RMDN2: variants seen among roughly 807,000 people sequenced by gnomAD.
RMDN2 encodes the protein regulator of microtubule dynamics protein 2.
RMDN2 carries 61 observed loss-of-function variants against 52.8 expected under a neutral mutation model. That is an observed-to-expected ratio of 1.16 (90% CI 0.94 to 1.43). The LOEUF (loss-of-function observed/expected upper bound fraction) is 1.43, where lower values mean the gene tolerates loss of function less well. RMDN2 is among the 40% of genes most tolerant of loss of function. The pLI is 0.00. For missense variants in RMDN2, 592 were observed against 475.3 expected, an observed-to-expected ratio of 1.25 and a Z score of -2.28; for synonymous variants, 180 against 153.1, an observed-to-expected ratio of 1.18 and a Z score of -1.30.
intron 1 of RMDN2, among the ~76,000 whole-genome samples, chr2:37,926,426 C>G (rs568751888): frequency 1.3e-5 from 2 of 152,116 alleles, no homozygotes; most frequent in Non-Finnish European, 2.9e-5. Context: ...TCATCTCAAC[C>G]TTTAATATTA....
chr2:38,034,830 A>C (rs59363818), intron 10 of RMDN2, among the ~76,000 whole-genome samples: 1 of 16,286 alleles, frequency 6.1e-5, no homozygotes, highest in Non-Finnish European at 9.6e-5. Flanking sequence ...TTAAAATTTA[A>C]TAAGTAGAAA....
chr2:38,043,880 G>C (rs1681112090), intron 10 of RMDN2, among the ~76,000 whole-genome samples: 1 of 151,850 alleles, frequency 6.6e-6, no homozygotes, highest in Non-Finnish European at 1.5e-5. Flanking sequence ...ACTTTGAATA[G>C]TTATCTATTA....
intron 2 of RMDN2, among the ~76,000 whole-genome samples, chr2:37,957,570 G>A (rs931949597): frequency 1.5e-4 from 23 of 152,082 alleles, no homozygotes; most frequent in African/African-American, 5.6e-4. Flanking sequence ...ATAGATTGCA[G>A]AAATTTTCTG....
At chr2:37,964,949 A>T (rs1188612016) in intron 2 of RMDN2, among the ~76,000 whole-genome samples, 2 of 151,968 alleles carry the variant, frequency 1.3e-5, no homozygotes, top group African/African-American at 4.8e-5. Flanking sequence ...TGTTATTGTT[A>T]TATCTTCTTG....
At position 38,060,167 on chromosome 2, in the gene RMDN2, G is replaced by A. The variant is rs923753682; in HGVS notation, c.1714-6815G>A. Among the ~76,000 whole-genome samples, 8 of 151,140 alleles carry A rather than the reference G, an allele frequency of 5.3e-5. No homozygotes were observed. The South Asian group carries it at 1.5e-3, about 28-fold the overall frequency. ...TCACTGTGTTACGCAGGATGGTCTC[G>A]ATCTCCTGACCTCATGATCCGCCAG... On this transcript the variant is annotated intron_variant, in intron 10 of 10. Coordinates refer to the RMDN2 transcript ENST00000234195.
At chr2:37,955,197 G>A (rs1669295761) in intron 2 of RMDN2, among the ~76,000 whole-genome samples, 1 of 151,942 alleles carries the variant, frequency 6.6e-6, no homozygotes, top group Admixed American at 6.6e-5. Context: ...TCGTCATCTT[G>A]CCTAGTTGCA....
chr2:37,996,929 A>G (rs936050086), intron 7 of RMDN2, among the ~76,000 whole-genome samples: 7 of 152,006 alleles, frequency 4.6e-5, no homozygotes, highest in Non-Finnish European at 1.0e-4. Flanking sequence ...TCCCTATTCT[A>G]TTTACATATC....
Position 37,929,309 on chromosome 2 carries a change from T to G in RMDN2, c.32T>G (p.Leu11Arg), listed in dbSNP as rs1333183694. 11 of 1,545,092 alleles carry G rather than the reference T, an allele frequency of 7.1e-6. No homozygotes were observed. The highest frequency in any genetic ancestry group is 1.2e-5 in the South Asian group (1 of 82,424). MPYSTNKELI[L>R]GIMVGTAGIS... ...TATTCCACAAACAAAGAGTTGATAC[T>G]TGGCATCATGGTGGGCACTGCTGGA... Residue 11 changes from leucine to arginine, a missense_variant, in exon 2 of 11, where the codon CTT becomes CGT. By Grantham distance (102) the Leu-to-Arg change is moderately radical (BLOSUM62 -2). Coordinates refer to ENST00000354545, the MANE Select transcript of RMDN2 (RefSeq NM_001170791.3).
intron 2 of RMDN2, among the ~76,000 whole-genome samples, chr2:37,932,913 G>T (rs2124900230): frequency 6.7e-6 from 1 of 150,156 alleles, no homozygotes; most frequent in Non-Finnish European, 1.5e-5. Context: ...CGGGCGGGGG[G>T]CTGACCCCCC....
chr2:37,924,048 C>T (rs1666110834), upstream of RMDN2, among the ~76,000 whole-genome samples: 1 of 152,134 alleles, frequency 6.6e-6, no homozygotes, highest in African/African-American at 2.4e-5. Context: ...CTGCGCCCTG[C>T]TACAAATTAC....
chr2:37,921,625 G>C (rs1196148629), upstream of RMDN2, among the ~76,000 whole-genome samples: 1 of 152,188 alleles, frequency 6.6e-6, no homozygotes, highest in Non-Finnish European at 1.5e-5. Context: ...TATCACATTA[G>C]AAGGGCTATG....
At chr2:38,014,703 A>G (rs1337349361) in intron 10 of RMDN2, among the ~76,000 whole-genome samples, 3 of 152,204 alleles carry the variant, frequency 2.0e-5, no homozygotes, top group Non-Finnish European at 4.4e-5. Flanking sequence ...ATAAATCTAT[A>G]TTTTTGAATA....
At chr2:37,925,672 T>A (rs1666216621) in intron 1 of RMDN2, among the ~76,000 whole-genome samples, 1 of 152,126 alleles carries the variant, frequency 6.6e-6, no homozygotes, top group Admixed American at 6.5e-5. Context: ...GCCCCGGAGG[T>A]CGCTGGTATT....
chr2:37,977,860 C>T (rs1672739816), intron 4 of RMDN2, among the ~76,000 whole-genome samples: 1 of 151,828 alleles, frequency 6.6e-6, no homozygotes, highest in East Asian at 1.9e-4. Flanking sequence ...CAGAGGGGCT[C>T]CTCACATCCC....
Position 37,929,550 on chromosome 2 carries a change from G to A in RMDN2, c.273G>A (p.Glu91=), listed in dbSNP as rs1053997495. 1.9e-6 allele frequency: 3 copies of A among 1,551,680 alleles called. No homozygotes were observed. Among genetic ancestry groups the A allele is most frequent in the East Asian group, 2.4e-5 (1 of 40,918 alleles). Residue 91 remains glutamate, a synonymous_variant, in exon 2 of 11, where the codon GAG becomes GAA. Coordinates refer to ENST00000354545, the MANE Select transcript of RMDN2 (RefSeq NM_001170791.3). ...TGACAAATATGGAAGAACTCAAAGA[G>A]GAAATCAGATTTCTTAAAGAAGCTA... ...ELLTNMEELK[E]EIRFLKEAIP...
chr2:38,029,845 A>G (rs1385284565), intron 10 of RMDN2: 2 of 152,236 alleles, frequency 1.3e-5, no homozygotes, highest in African/African-American at 4.8e-5. Context: ...AAGAAGTTTA[A>G]TGGACTCACA....
chr2:37,944,595 C>T (rs944059513), intron 2 of RMDN2, among the ~76,000 whole-genome samples: 20 of 152,084 alleles, frequency 1.3e-4, no homozygotes, highest in Non-Finnish European at 2.1e-4. Flanking sequence ...CTGTGTTTAC[C>T]GGATTTGAGA....
intron 2 of RMDN2, among the ~76,000 whole-genome samples, chr2:37,947,475 G>T (rs542188340): frequency 2.0e-5 from 3 of 151,960 alleles, no homozygotes; most frequent in Non-Finnish European, 4.4e-5. Context: ...TTTCTGCCTC[G>T]CAAGTCACAT....
rs371361766 is a variant in RMDN2, at chr2:38,055,305, G to GA, written c.1714-11668dup. On this transcript the variant is annotated intron_variant, in intron 10 of 10. Transcript: ENST00000234195. Reference sequence around the variant, plus strand: ...TGCAACCCACCCCAGGATCCTATGGGAAAAAAAAACAGACTCCTCAACCCA... The same window carrying GA: ...TGCAACCCACCCCAGGATCCTATGGGAAAAAAAAAACAGACTCCTCAACCCA... Among the ~76,000 whole-genome samples the GA allele has an allele frequency of 1.8e-3, 271 of 149,320 alleles. 3 individuals are homozygous for GA. Among genetic ancestry groups the GA allele is most frequent in the African/African-American group, 6.1e-3 (249 of 40,626 alleles).
Sources: gnomAD v4.1 joint callset for allele counts (sites outside exome capture counted in the v4.1 genomes callset) on GRCh38, gnomAD v4.1.1 for gene constraint, MANE v1.5 for transcripts, NCBI Gene and HGNC (gene_info 2026-07-23, HGNC 2026-07-21) for gene names.